The following MTMR8 variants were observed in gnomAD, a reference collection of about 807,000 sequenced individuals.
MTMR8 encodes myotubularin related protein 8, also known as phosphatidylinositol-3,5-bisphosphate 3-phosphatase MTMR8.
Under a neutral mutation model 39.3 loss-of-function variants are expected in MTMR8, and 65 were observed. That is an observed-to-expected ratio of 1.65 (90% CI 1.35 to 2.03). The LOEUF (loss-of-function observed/expected upper bound fraction) is 2.03. MTMR8 is among the 30% of genes most tolerant of loss of function. The pLI, the probability that MTMR8 is intolerant of heterozygous loss-of-function variation, is 0.00. For synonymous variants in MTMR8, 245 were observed against 185.2 expected, an observed-to-expected ratio of 1.32 and a Z score of -2.62; for missense variants, 777 against 538.9, an observed-to-expected ratio of 1.44 and a Z score of -4.37.
At chrX:64,371,367 C>T (rs2147241211) in intron 1 of MTMR8, among the ~76,000 whole-genome samples, 1 of 111,980 alleles carries the variant, frequency 8.9e-6, no homozygotes, top group South Asian at 3.7e-4. Context: ...TGACATGGAG[C>T]TACTATTTTA....
chrX:64,312,109 C>G (rs181025990), intron 12 of MTMR8, among the ~76,000 whole-genome samples: 98 of 111,359 alleles, frequency 8.8e-4, no homozygotes, highest in African/African-American at 3.1e-3. Flanking sequence ...TGGCCATTTT[C>G]ACTATATTGA....
At chrX:64,365,349 G>A (rs1014180514) in intron 1 of MTMR8, among the ~76,000 whole-genome samples, 8 of 109,800 alleles carry the variant, frequency 7.3e-5, no homozygotes, top group Admixed American at 6.8e-4. Context: ...AATGTTAAGG[G>A]CAGCCAGAGA....
intron 12 of MTMR8, among the ~76,000 whole-genome samples, chrX:64,317,026 C>G (rs1341009227): frequency 9.5e-6 from 1 of 105,723 alleles, no homozygotes; most frequent in African/African-American, 3.5e-5. Context: ...GTGGGAGGAT[C>G]ACTTGAACTT....
chrX:64,277,169 C>T (rs1297372777), intron 12 of MTMR8, among the ~76,000 whole-genome samples: 1 of 111,737 alleles, frequency 8.9e-6, no homozygotes, highest in Admixed American at 9.5e-5. Flanking sequence ...CTCCTGAATA[C>T]AGCACACCAA....
Position 64,268,998 on chromosome X carries a change from A to G in MTMR8, c.1654T>C (p.Ser552Pro). 1 of 1,211,623 alleles carries G rather than the reference A, an allele frequency of 8.3e-7. No individual in the cohort carries two copies. ...DEPPEEICTCSQLGNILSQHL... is the reference protein window; with the variant it reads ...DEPPEEICTCPQLGNILSQHL... ...TGGGATAATATGTTTCCTAATTGAG[A>G]GCAGGTACAGATCTCTTCTGGTGGC... is the stretch of plus-strand genomic sequence containing the variant. The change falls in exon 14 of 14, where the codon TCT (serine) becomes CCT (proline). Residue 552 changes from serine (S) to proline (P), a missense_variant. Coordinates refer to ENST00000374852, the MANE Select transcript of MTMR8 (RefSeq NM_017677.4).
chrX:64,293,559 C>T (rs2147193274), intron 12 of MTMR8, among the ~76,000 whole-genome samples: 1 of 111,515 alleles, frequency 9.0e-6, no homozygotes, highest in African/African-American at 3.3e-5. Context: ...CTTGGGAAGC[C>T]TGCTCCTGAT....
rs771951644 is a variant in MTMR8, at chrX:64,360,587, A to G, written c.25-1060T>C. On this transcript the variant is annotated intron_variant, in intron 1 of 13. Coordinates refer to ENST00000374852, the MANE Select transcript of MTMR8 (RefSeq NM_017677.4). ...ATAAATTCCAAACGTTCAATATCAT[A>G]CAGTTTAGGTTCTCCAACCACAATG... Among the ~76,000 whole-genome samples, 12 of 111,235 alleles carry G rather than the reference A, an allele frequency of 1.1e-4. No homozygotes were observed. In the South Asian group the frequency reaches 4.5e-3, roughly 41 times the overall value.
chrX:64,289,373 A>G (rs950985539), intron 12 of MTMR8, among the ~76,000 whole-genome samples: 1 of 110,968 alleles, frequency 9.0e-6, no homozygotes, highest in African/African-American at 3.3e-5. Context: ...GTGCTTCCTC[A>G]ACAACGTAAA....
intron 1 of MTMR8, among the ~76,000 whole-genome samples, chrX:64,394,135 T>C (rs760987610): frequency 9.0e-5 from 10 of 111,661 alleles, no homozygotes; most frequent in Admixed American, 4.8e-4. Flanking sequence ...AGAGAGCCTG[T>C]GCAAAGAAAC....
At chrX:64,273,261 C>A (rs1931800864) in intron 12 of MTMR8, among the ~76,000 whole-genome samples, 1 of 109,637 alleles carries the variant, frequency 9.1e-6, no homozygotes, top group Admixed American at 9.7e-5. Flanking sequence ...AATGAATATA[C>A]AATATAAATA....
At chrX:64,386,179 A>G (rs1194505432) in intron 1 of MTMR8, among the ~76,000 whole-genome samples, 1 of 111,972 alleles carries the variant, frequency 8.9e-6, no homozygotes, top group Non-Finnish European at 1.9e-5. Context: ...ACCTTACAAA[A>G]TACACTGTTC....
chrX:64,319,482 C>T (rs958329174), intron 12 of MTMR8, among the ~76,000 whole-genome samples: 1 of 111,977 alleles, frequency 8.9e-6, no homozygotes, highest in Non-Finnish European at 1.9e-5. Context: ...CTTGCCCATG[C>T]CTATGTCCTG....
At chrX:64,316,340 C>T (rs1204543862) in intron 12 of MTMR8, among the ~76,000 whole-genome samples, 1 of 112,171 alleles carries the variant, frequency 8.9e-6, no homozygotes, top group Non-Finnish European at 1.9e-5. Context: ...CATCATTTCT[C>T]CTTCATTCCT....
chrX:64,278,836 G>A (rs566649095), intron 12 of MTMR8, among the ~76,000 whole-genome samples: 2 of 111,309 alleles, frequency 1.8e-5, no homozygotes, highest in African/African-American at 6.5e-5. Context: ...CTCTGTTGCA[G>A]GTGTGCTGGA....
At chrX:64,388,932 T>C (rs1924629705) in intron 1 of MTMR8, among the ~76,000 whole-genome samples, 1 of 111,896 alleles carries the variant, frequency 8.9e-6, no homozygotes, top group Non-Finnish European at 1.9e-5. Flanking sequence ...ATCAGGAACA[T>C]AGTTTAGGAA....
chrX:64,319,729 T>C (rs1395756978), intron 12 of MTMR8, among the ~76,000 whole-genome samples: 3 of 111,302 alleles, frequency 2.7e-5, no homozygotes, highest in Non-Finnish European at 5.6e-5. Flanking sequence ...TGTGGCATTA[T>C]TTCTGAGGGC....
At chrX:64,304,906 A>G (rs1922038784) in intron 12 of MTMR8, 1 of 80,891 alleles carries the variant, frequency 1.2e-5, no homozygotes, top group Admixed American at 1.5e-4. Context: ...ATATATATAT[A>G]TACACATACA....
At chrX:64,312,200 T>A (rs942523217) in intron 12 of MTMR8, among the ~76,000 whole-genome samples, 1 of 111,719 alleles carries the variant, frequency 9.0e-6, no homozygotes, top group Non-Finnish European at 1.9e-5. Context: ...TTTTAGTTGT[T>A]CTTGAAGAGG....
intron 12 of MTMR8, among the ~76,000 whole-genome samples, chrX:64,295,528 C>A (rs1182525663): frequency 9.0e-6 from 1 of 110,527 alleles, no homozygotes; most frequent in Admixed American, 9.7e-5. Flanking sequence ...AAAAGGTAAC[C>A]AGAGAATGGG....
Sources: gnomAD v4.1 joint callset for allele counts (sites outside exome capture counted in the v4.1 genomes callset) on GRCh38, gnomAD v4.1.1 for gene constraint, MANE v1.5 for transcripts, NCBI Gene and HGNC (gene_info 2026-07-23, HGNC 2026-07-21) for gene names.